The following ARMH3 variants were observed in gnomAD, a reference collection of about 807,000 sequenced individuals.
ARMH3 encodes the protein armadillo like helical domain containing 3.
In ARMH3, 60 loss-of-function variants were observed where a neutral mutation model predicts 99.1. That is an observed-to-expected ratio of 0.61 (90% CI 0.49 to 0.75). The LOEUF (loss-of-function observed/expected upper bound fraction) is 0.75, where lower values mean the gene tolerates loss of function less well. Ranked by LOEUF, ARMH3 falls within the 30% of genes least tolerant of loss-of-function variation. ARMH3 has a pLI of 0.00. For missense variants in ARMH3, 679 were observed against 843.1 expected, an observed-to-expected ratio of 0.81 and a Z score of 2.41; for synonymous variants, 285 against 292.8, an observed-to-expected ratio of 0.97 and a Z score of 0.27.
At chr10:102,017,672 G>A (rs569095887) in intron 8 of ARMH3, among the ~76,000 whole-genome samples, 1 of 152,252 alleles carries the variant, frequency 6.6e-6, no homozygotes, top group South Asian at 2.1e-4. Flanking sequence ...ACATGACAGA[G>A]ATCAAAATGG....
chr10:101,947,411 G>T (rs941041235), intron 22 of ARMH3, among the ~76,000 whole-genome samples: 2 of 151,670 alleles, frequency 1.3e-5, no homozygotes, highest in Non-Finnish European at 2.9e-5. Context: ...GAGGCAGGAG[G>T]ATCACTTGAG....
intron 2 of ARMH3, among the ~76,000 whole-genome samples, chr10:102,039,433 G>T (rs763268316): frequency 6.6e-6 from 1 of 152,124 alleles, no homozygotes; most frequent in Non-Finnish European, 1.5e-5. Flanking sequence ...GGGAGCCACC[G>T]CGCCCAGCCC....
chr10:101,986,003 G>C (rs1050220070), intron 19 of ARMH3, among the ~76,000 whole-genome samples: 10 of 151,718 alleles, frequency 6.6e-5, no homozygotes, highest in African/African-American at 1.9e-4. Context: ...GGGCAACACA[G>C]AGACTCTGTC....
intron 20 of ARMH3, among the ~76,000 whole-genome samples, chr10:101,972,572 G>A (rs913105635): frequency 1.3e-5 from 2 of 152,232 alleles, no homozygotes; most frequent in Admixed American, 1.3e-4. Context: ...CCTGCTAAGA[G>A]GTAGGTGGAT....
rs547676070 is a variant in ARMH3 at position 102,002,411 on chromosome 10, C to T, written c.1049-339G>A. ...TTTAAGGCCCTTCTTAAAGAAACTT[C>T]GATTTCTACCTGAAGGAAAGATCTG... is the stretch of plus-strand genomic sequence containing the variant. On this transcript the variant is annotated intron_variant, in intron 14 of 25. Transcript: ENST00000370033. Among the ~76,000 whole-genome samples the T allele has an allele frequency of 7.2e-5, 11 of 151,996 alleles. No individual in the cohort carries two copies. In the South Asian group the frequency reaches 1.0e-3, roughly 14 times the overall value.
chr10:101,979,755 T>C (rs550185199), intron 19 of ARMH3, among the ~76,000 whole-genome samples: 33 of 152,362 alleles, frequency 2.2e-4, no homozygotes, highest in Admixed American at 1.0e-3. Context: ...GCTTGGATTC[T>C]TGATTAAGCC....
intron 24 of ARMH3, among the ~76,000 whole-genome samples, chr10:101,873,778 T>G (rs767399205): frequency 2.0e-4 from 31 of 152,244 alleles, no homozygotes; most frequent in Admixed American, 5.9e-4. Context: ...TCATAATGTT[T>G]TTGAGAGTGA....
At chr10:101,909,332 G>C (rs1003218838) in intron 23 of ARMH3, among the ~76,000 whole-genome samples, 1 of 151,588 alleles carries the variant, frequency 6.6e-6, no homozygotes, top group Non-Finnish European at 1.5e-5. Context: ...GCTTGAGCCT[G>C]GGAGGCAGAG....
At position 102,056,137 on chromosome 10, in the gene ARMH3, C is replaced by G. The variant is rs1243696380; in HGVS notation, c.-64G>C. On this transcript the variant is annotated 5_prime_UTR_variant, in exon 1 of 26. Coordinates refer to ENST00000370033, the MANE Select transcript of ARMH3 (RefSeq NM_024541.3). ...CGCGCCGTTCCCGGGCCCGCTCGCT[C>G]TCGACGCCACCGACGCTGCCGCTGC... 1 of 152,288 alleles carries G rather than the reference C, an allele frequency of 6.6e-6. No individual in the cohort carries two copies. The highest frequency in any genetic ancestry group is 1.5e-5 in the Non-Finnish European group (1 of 68,088). 9.4% of individuals were successfully genotyped at this position (152,288 alleles called of 1,614,324 possible).
chr10:102,001,532 GA>G (rs1328013015), intron 15 of ARMH3, among the ~76,000 whole-genome samples: 2 of 152,142 alleles, frequency 1.3e-5, no homozygotes, highest in African/African-American at 4.8e-5. Flanking sequence ...AAGTGTTCAA[GA>G]ACAGAGTCCC....
chr10:102,020,683 GAAA>G (rs897977927), intron 8 of ARMH3, among the ~76,000 whole-genome samples: 1 of 87,562 alleles, frequency 1.1e-5, no homozygotes. Flanking sequence ...CTCCATCTCA[GAAA>G]AAAAAAAAAA....
chr10:101,937,186 G>C (rs1233478928), intron 23 of ARMH3, among the ~76,000 whole-genome samples: 1 of 152,142 alleles, frequency 6.6e-6, no homozygotes, highest in Non-Finnish European at 1.5e-5. Flanking sequence ...AGGCATTATG[G>C]TTTGCAAGAA....
intron 23 of ARMH3, among the ~76,000 whole-genome samples, chr10:101,924,213 TAA>T (rs1171552178): frequency 2.0e-5 from 3 of 152,076 alleles, no homozygotes; most frequent in African/African-American, 7.2e-5. Context: ...TTAACAAAAA[TAA>T]AGTGTTGCAT....
chr10:101,958,154 A>G (rs1845124487), intron 20 of ARMH3, among the ~76,000 whole-genome samples: 1 of 152,224 alleles, frequency 6.6e-6, no homozygotes, highest in Admixed American at 6.5e-5. Flanking sequence ...TATCTGTTTC[A>G]GACATCATTG....
chr10:102,006,184 T>G (rs190599308), intron 14 of ARMH3, among the ~76,000 whole-genome samples: 70 of 152,324 alleles, frequency 4.6e-4, no homozygotes, highest in African/African-American at 1.6e-3. Context: ...TTTCAGTGCT[T>G]TATAATCACA....
chr10:101,934,125 T>A (rs1843845622), intron 23 of ARMH3, among the ~76,000 whole-genome samples: 1 of 152,180 alleles, frequency 6.6e-6, no homozygotes, highest in African/African-American at 2.4e-5. Context: ...CACAGCCTAT[T>A]CCAAAGGATG....
intron 24 of ARMH3, among the ~76,000 whole-genome samples, chr10:101,880,019 G>A (rs2067371267): frequency 6.6e-6 from 1 of 152,234 alleles, no homozygotes; most frequent in Non-Finnish European, 1.5e-5. Flanking sequence ...CAGGTCAGCT[G>A]AAATGCCAGA....
intron 24 of ARMH3, among the ~76,000 whole-genome samples, chr10:101,864,841 T>C (rs550115532): frequency 3.3e-5 from 5 of 152,064 alleles, no homozygotes; most frequent in African/African-American, 1.2e-4. Flanking sequence ...TGTATACATA[T>C]GTAACAAACC....
Position 101,893,926 on chromosome 10 carries a change from G to T in ARMH3, c.1782-4436C>A, listed in dbSNP as rs146534376. ...TTGTTTGGGCAAACTTATCCTGAGG[G>T]TATTTACCACTCTGGGAATATATAT... On this transcript the variant is annotated intron_variant, in intron 23 of 25. Transcript: ENST00000370033. Among the ~76,000 whole-genome samples, 14 of 152,234 alleles carry T rather than the reference G, an allele frequency of 9.2e-5. No homozygotes were observed. In the East Asian group the frequency reaches 2.7e-3, roughly 29 times the overall value.
Sources: gnomAD v4.1 joint callset for allele counts (sites outside exome capture counted in the v4.1 genomes callset) on GRCh38, gnomAD v4.1.1 for gene constraint, MANE v1.5 for transcripts, NCBI Gene and HGNC (gene_info 2026-07-23, HGNC 2026-07-21) for gene names.